Variants in FIGLA observed in about 807,000 individuals in gnomAD.
The protein encoded by FIGLA is folliculogenesis specific bHLH transcription factor.
Under a neutral mutation model 21.5 loss-of-function variants are expected in FIGLA, and 17 were observed. That is an observed-to-expected ratio of 0.79 (90% CI 0.54 to 1.19). The LOEUF is 1.19. Ranked by LOEUF, FIGLA falls within the 50% of genes most tolerant of loss-of-function variation. The probability of loss-of-function intolerance (pLI) is 0.00; values close to 1 mark genes in which losing one functional copy is unlikely to be tolerated. For synonymous variants in FIGLA, 129 were observed against 117.6 expected, an observed-to-expected ratio of 1.10 and a Z score of -0.63; for missense variants, 282 against 285.0, an observed-to-expected ratio of 0.99 and a Z score of 0.08.
intron 3 of FIGLA, among the ~76,000 whole-genome samples, chr2:70,783,997 TTTG>T (rs2104599384): frequency 6.6e-6 from 1 of 152,236 alleles, no homozygotes; most frequent in South Asian, 2.1e-4. Context: ...GCCCCACTCT[TTTG>T]TTGTTGTTGC....
chr2:70,778,815 T>A (rs569027303), intron 3 of FIGLA, among the ~76,000 whole-genome samples: 1 of 152,178 alleles, frequency 6.6e-6, no homozygotes, highest in Non-Finnish European at 1.5e-5. Context: ...AGTTTGCTGC[T>A]TAATATCTTT....
Position 70,785,404 on chromosome 2 carries a change from G to C in FIGLA, c.609+11C>G. 6.3e-7 allele frequency: 1 copy of C among 1,599,774 alleles called. No individual in the cohort carries two copies. Among genetic ancestry groups the C allele is most frequent in the Non-Finnish European group, 8.6e-7 (1 of 1,167,794 alleles). On this transcript the variant is annotated intron_variant, in intron 3 of 4. Transcript: ENST00000332372. ...GATATCTGTATGGGTATTTAAGAAGGAATATTTTACCAGACTTCTGGTTGG... is the reference window on the plus strand; with the variant it reads ...GATATCTGTATGGGTATTTAAGAAGCAATATTTTACCAGACTTCTGGTTGG...
intron 3 of FIGLA, among the ~76,000 whole-genome samples, chr2:70,779,526 T>C (rs1417908698): frequency 1.3e-5 from 2 of 152,152 alleles, no homozygotes; most frequent in African/African-American, 2.4e-5. Flanking sequence ...TAAAATGCTA[T>C]AGGAAGAAAT....
chr2:70,789,795 G>A (rs564704888), intron 1 of FIGLA, among the ~76,000 whole-genome samples: 1 of 152,242 alleles, frequency 6.6e-6, no homozygotes, highest in South Asian at 2.1e-4. Context: ...CTCCAACCAC[G>A]GCCCACAGGA....
Position 70,790,583 on chromosome 2 carries a change from C to G in FIGLA, c.56G>C (p.Gly19Ala). The change falls in exon 1 of 5, where the codon GGC becomes GCC. Residue 19 changes from glycine (G) to alanine (A), a missense_variant. By Grantham distance (60) the Gly-to-Ala change is moderately conservative. Coordinates refer to ENST00000332372, the MANE Select transcript of FIGLA (RefSeq NM_001004311.3). ...DPRAAPPALL[G>A]TPQAEVLEDV... is the part of the protein sequence containing the mutation. ...CTCCAGCACCTCGGCTTGCGGGGTG[C>G]CCAGGAGCGCGGGCGGCGCGGCGCG... 1 of 1,495,986 alleles carries G rather than the reference C, an allele frequency of 6.7e-7. No individual in the cohort carries two copies. The allele number at this position is 1,495,986 out of a possible 1,614,324, so 92.7% of individuals were successfully genotyped here. A position where few individuals can be genotyped will look rare whatever the true frequency, so the allele number is the denominator to read the frequency against.
chr2:70,778,466 C>T (rs576170989), intron 3 of FIGLA, among the ~76,000 whole-genome samples: 14 of 151,156 alleles, frequency 9.3e-5, no homozygotes, highest in African/African-American at 3.4e-4. Context: ...TAGTTCAGAC[C>T]TAGCTTTGGA....
At chr2:70,783,850 C>T (rs905411107) in intron 3 of FIGLA, among the ~76,000 whole-genome samples, 4 of 152,102 alleles carry the variant, frequency 2.6e-5, no homozygotes, top group East Asian at 1.9e-4. Context: ...TACAGGTGCC[C>T]GCCACCACGC....
rs1553390248 is a variant in FIGLA at position 70,787,714 on chromosome 2, G to A, written c.319C>T (p.Leu107Phe). ...TGTATATATTCAGTCGCACCTTTAA[G>A]GATATCAACTTTGCTGGGCTTCCTG... is the stretch of plus-strand genomic sequence containing the variant. ...QSRKPSKVDILKGATEYIQVL... is the reference protein window; with the variant it reads ...QSRKPSKVDIFKGATEYIQVL... Residue 107 changes from leucine to phenylalanine, a missense_variant, in exon 2 of 5, where the codon CTT (leucine) becomes TTT (phenylalanine). Physicochemically the swap from Leu to Phe is conservative, Grantham distance 22. Transcript: ENST00000332372. 1 of 1,609,934 alleles carries A rather than the reference G, an allele frequency of 6.2e-7. No homozygotes were observed. The highest frequency in any genetic ancestry group is 2.2e-5 in the East Asian group (1 of 44,862).
intron 3 of FIGLA, among the ~76,000 whole-genome samples, chr2:70,783,416 G>T (rs1675892776): frequency 6.6e-6 from 1 of 152,174 alleles, no homozygotes; most frequent in African/African-American, 2.4e-5. Context: ...CTATGCCCAG[G>T]TTCAATTATC....
chr2:70,781,538 A>G (rs966663457), intron 3 of FIGLA, among the ~76,000 whole-genome samples: 3 of 152,222 alleles, frequency 2.0e-5, no homozygotes, highest in African/African-American at 7.2e-5. Context: ...GTATAAAAAC[A>G]ACCAAAATGT....
intron 3 of FIGLA, among the ~76,000 whole-genome samples, chr2:70,782,432 C>T (rs1675872357): frequency 6.6e-6 from 1 of 152,196 alleles, no homozygotes; most frequent in South Asian, 2.1e-4. Flanking sequence ...CACAGAAGCA[C>T]CAAGAAACTC....
Position 70,790,445 on chromosome 2 carries a change from T to A in FIGLA, c.194A>T (p.Glu65Val). The A allele has an allele frequency of 6.5e-7, 1 of 1,544,968 alleles. No homozygotes were observed. The highest frequency in any genetic ancestry group is 8.7e-7 in the Non-Finnish European group (1 of 1,145,880). ...SSTENLQLVL[E>V]RRRVANAKER... ...CTTGGCGTTGGCCACACGCCGCCGC[T>A]CCAGCACCAACTGGAGGTTTTCAGT... The change falls in exon 1 of 5, where the codon GAG becomes GTG. Residue 65 changes from glutamate (E) to valine (V), a missense_variant. Coordinates refer to ENST00000332372, the MANE Select transcript of FIGLA (RefSeq NM_001004311.3).
chr2:70,777,709 C>T (rs1675785390), intron 3 of FIGLA, 38 bp from the exon 4 acceptor site: 3 of 1,088,794 alleles, frequency 2.8e-6, no homozygotes, highest in Non-Finnish European at 4.2e-6. Context: ...GGGCTAAACA[C>T]ATCGGTTATT....
chr2:70,788,454 C>T (rs1675996035), intron 1 of FIGLA, among the ~76,000 whole-genome samples: 1 of 152,158 alleles, frequency 6.6e-6, no homozygotes, highest in Non-Finnish European at 1.5e-5. Flanking sequence ...AAAGGCTCCT[C>T]ATATTTTATT....
At chr2:70,778,924 G>A (rs1188328689) in intron 3 of FIGLA, among the ~76,000 whole-genome samples, 2 of 152,182 alleles carry the variant, frequency 1.3e-5, no homozygotes, top group Non-Finnish European at 2.9e-5. Flanking sequence ...GCTTGGTGAG[G>A]GAGATGGGGT....
At chr2:70,787,876 G>T (rs148978760) in intron 1 of FIGLA, 75 bp from the exon 2 acceptor site, 1 of 1,499,948 alleles carries the variant, frequency 6.7e-7, no homozygotes, top group Non-Finnish European at 9.0e-7. Context: ...ACAGAAGGGG[G>T]TTGTTTCCAC....
rs1331562223 is a variant in FIGLA at position 70,777,575 on chromosome 2, CTTA to C, written c.644+59_644+61del. 1.5e-5 allele frequency: 23 copies of C among 1,572,986 alleles called. No individual in the cohort carries two copies. The African/African-American group carries it at 3.1e-4, about 21-fold the overall frequency. ...CTAAGAATGTGATGGAATTAGCACTCTTATTATACAGCCAGTGGTGTTATAAAT... is the reference window on the plus strand; with the variant it reads ...CTAAGAATGTGATGGAATTAGCACTCTTATACAGCCAGTGGTGTTATAAAT... On this transcript the variant is annotated intron_variant, in intron 4 of 4. Coordinates refer to ENST00000332372, the MANE Select transcript of FIGLA (RefSeq NM_001004311.3).
At chr2:70,780,904 TG>T (rs1315093060) in intron 3 of FIGLA, among the ~76,000 whole-genome samples, 2 of 151,970 alleles carry the variant, frequency 1.3e-5, no homozygotes, top group Non-Finnish European at 2.9e-5. Context: ...CATATTCACA[TG>T]GGGGGTGTGG....
intron 1 of FIGLA, 67 bp from the exon 2 acceptor site, chr2:70,787,868 A>C (rs181602626): frequency 6.5e-7 from 1 of 1,537,792 alleles, no homozygotes; most frequent in African/African-American, 1.4e-5. Context: ...CCCAAGCTAC[A>C]GAAGGGGGTT....
Sources: allele counts gnomAD v4.1 joint callset (sites outside exome capture counted in the v4.1 genomes callset), GRCh38; gene constraint gnomAD v4.1.1; transcripts MANE v1.5; gene names NCBI Gene and HGNC (gene_info 2026-07-23, HGNC 2026-07-21).